Variants in DPP6 observed in about 807,000 individuals in gnomAD.
The protein encoded by DPP6 is dipeptidyl peptidase like 6, also known as A-type potassium channel modulatory protein DPP6.
DPP6 carries 69 observed loss-of-function variants against 122.6 expected under a neutral mutation model. The ratio of observed to expected loss-of-function variants is 0.56; its 90% CI spans 0.46 to 0.69. DPP6 has a LOEUF of 0.69. Ranked by LOEUF, DPP6 falls within the 30% of genes least tolerant of loss-of-function variation. The pLI, the probability that DPP6 is intolerant of heterozygous loss-of-function variation, is 0.00. For missense variants in DPP6, 928 were observed against 1,116.9 expected (o/e 0.83, Z 2.41); for synonymous variants, 418 against 433.1 (o/e 0.97, Z 0.43).
At chr7:154,761,593 A>T (rs1795560089) in intron 8 of DPP6, among the ~76,000 whole-genome samples, 1 of 152,246 alleles carries the variant, frequency 6.6e-6, no homozygotes, top group South Asian at 2.1e-4. Context: ...GAGAGGCCTC[A>T]GGAAGCTTCC....
the DPP6 span, among the ~76,000 whole-genome samples, chr7:153,864,492 T>G: frequency 1.3e-5 from 2 of 151,844 alleles, no homozygotes; most frequent in East Asian, 3.9e-4. Flanking sequence ...CCGTCTCTAC[T>G]AAAAATACCA....
intron 16 of DPP6, among the ~76,000 whole-genome samples, chr7:154,822,932 G>A (rs774897969): frequency 2.4e-4 from 37 of 152,184 alleles, no homozygotes; most frequent in Non-Finnish European, 4.8e-4. Flanking sequence ...CTGACATCTA[G>A]TGCAAGAGCT....
chr7:154,885,498 T>G, intron 21 of DPP6, 135 bp from the exon 22 acceptor site: 1 of 1,282,544 alleles, frequency 7.8e-7, no homozygotes, highest in Non-Finnish European at 1.0e-6. Flanking sequence ...TGAACAACTT[T>G]CCAAGTGACA....
chr7:154,824,633 A>G (rs1022012688), intron 16 of DPP6, among the ~76,000 whole-genome samples: 3 of 152,250 alleles, frequency 2.0e-5, no homozygotes, highest in African/African-American at 7.2e-5. Context: ...GGAAGTATCT[A>G]CTAGCTCCTA....
chr7:153,872,184 A>G, the DPP6 span, among the ~76,000 whole-genome samples: 7 of 152,320 alleles, frequency 4.6e-5, no homozygotes, highest in Admixed American at 3.9e-4. Flanking sequence ...ATTAGCATCA[A>G]CTGGGTACAT....
intron 5 of DPP6, chr7:154,588,628 C>A (rs1832622852): frequency 6.6e-6 from 1 of 152,244 alleles, no homozygotes; most frequent in African/African-American, 2.4e-5. Context: ...CCCTGGAAAC[C>A]AAATACCTAT....
the DPP6 span, among the ~76,000 whole-genome samples, chr7:153,750,424 A>AT: frequency 1.4e-5 from 2 of 140,618 alleles, 1 homozygote; most frequent in African/African-American, 5.3e-5. Context: ...TAGTAGAGAC[A>AT]TCTGTGGAGT....
the DPP6 span, among the ~76,000 whole-genome samples, chr7:153,812,466 A>C: frequency 1.3e-5 from 2 of 152,074 alleles, no homozygotes; most frequent in Admixed American, 6.5e-5. Context: ...CTCCGAACCC[A>C]GTTCTGCATG....
At chr7:154,331,812 G>A (rs555731699) in intron 1 of DPP6, among the ~76,000 whole-genome samples, 8 of 152,238 alleles carry the variant, frequency 5.3e-5, no homozygotes, top group East Asian at 1.9e-4. Flanking sequence ...TTTCAGGGTC[G>A]TAAAAACACT....
chr7:154,064,539 A>T (rs1412172018), intron 1 of DPP6, among the ~76,000 whole-genome samples: 5 of 152,162 alleles, frequency 3.3e-5, no homozygotes, highest in African/African-American at 1.2e-4. Context: ...AAAGTAACCT[A>T]TTGTTCTTTA....
chr7:154,548,720 T>A (rs1829405055), intron 4 of DPP6, among the ~76,000 whole-genome samples: 1 of 152,108 alleles, frequency 6.6e-6, no homozygotes, highest in Non-Finnish European at 1.5e-5. Context: ...GTGGATACAG[T>A]GATTAATAAA....
At chr7:154,117,909 A>C (rs1585412770) in intron 1 of DPP6, among the ~76,000 whole-genome samples, 1 of 152,136 alleles carries the variant, frequency 6.6e-6, no homozygotes, top group African/African-American at 2.4e-5. Flanking sequence ...CAGTACCATG[A>C]GACTGAGGAC....
At chr7:154,208,064 G>A (rs894574712) in intron 1 of DPP6, among the ~76,000 whole-genome samples, 3 of 152,080 alleles carry the variant, frequency 2.0e-5, no homozygotes, top group Non-Finnish European at 4.4e-5. Context: ...AAAGAAAACA[G>A]GCATTGGTTA....
At chr7:154,479,246 G>C (rs1473661036) in intron 3 of DPP6, among the ~76,000 whole-genome samples, 2 of 152,126 alleles carry the variant, frequency 1.3e-5, no homozygotes, top group East Asian at 3.9e-4. Flanking sequence ...GCCAAATGAG[G>C]TGTGTAAAGC....
chr7:154,805,052 A>C, intron 15 of DPP6, 88 bp downstream of exon 15: 2 of 1,509,058 alleles, frequency 1.3e-6, no homozygotes, highest in Non-Finnish European at 1.8e-6. Context: ...GCAGTTCGGA[A>C]AGGGCGGCAG....
chr7:153,772,663 A>G, the DPP6 span, among the ~76,000 whole-genome samples: 54 of 151,388 alleles, frequency 3.6e-4, 1 homozygote, highest in Non-Finnish European at 1.0e-4. Flanking sequence ...ATACAAATTA[A>G]AAGGCAAAGA....
At position 154,795,868 on chromosome 7, in the gene DPP6, C is replaced by T. The variant is rs1431184277; in HGVS notation, c.1284C>T (p.Ala428=). The change falls in exon 12 of 26, where the codon GCC becomes GCT. Residue 428 remains alanine, a synonymous_variant. Transcript: ENST00000377770. ...AGAAACACGAGGATGAAAGTGAGGC[C>T]TGGCTCCACAGACAGGTAACTACTG... ...CTKKHEDESE[A]WLHRQNEEPV... 1.2e-6 allele frequency: 2 copies of T among 1,612,828 alleles called. No individual in the cohort carries two copies. The highest frequency in any genetic ancestry group is 2.2e-5 in the South Asian group (2 of 90,724).
intron 1 of DPP6, among the ~76,000 whole-genome samples, chr7:154,152,242 A>G (rs1796461696): frequency 6.6e-6 from 1 of 152,020 alleles, no homozygotes; most frequent in Non-Finnish European, 1.5e-5. Context: ...GAAGGAGGAG[A>G]CATAATTTTT....
At chr7:153,864,472 T>C in the DPP6 span, among the ~76,000 whole-genome samples, 1 of 151,968 alleles carries the variant, frequency 6.6e-6, no homozygotes, top group Non-Finnish European at 1.5e-5. Flanking sequence ...CTGGCCAACA[T>C]GGCAAAACCC....
Sources: gnomAD v4.1 joint callset for allele counts (sites outside exome capture counted in the v4.1 genomes callset) on GRCh38, gnomAD v4.1.1 for gene constraint, MANE v1.5 for transcripts, NCBI Gene and HGNC (gene_info 2026-07-23, HGNC 2026-07-21) for gene names.